Variants in AGGF1 observed in about 807,000 individuals in gnomAD.
The protein encoded by AGGF1 is angiogenic factor with G-patch and FHA domains 1, also known as angiogenic factor with G patch and FHA domains 1.
A neutral mutation model predicts 86.5 loss-of-function variants in AGGF1; 56 were observed. The observed-to-expected ratio is 0.65, with a 90% CI of 0.52 to 0.81. The LOEUF (loss-of-function observed/expected upper bound fraction) is 0.81. Among genes scored for constraint, AGGF1 ranks in the 30% least tolerant of loss-of-function variants. The pLI is 0.00. For missense variants in AGGF1, 816 were observed against 850.9 expected (o/e 0.96, Z 0.51); for synonymous variants, 313 against 297.1 (o/e 1.05, Z -0.55).
chr5:77,061,605 A>C (rs1747565285), intron 12 of AGGF1, 98 bp from the exon 13 acceptor site: 6 of 1,244,112 alleles, frequency 4.8e-6, no homozygotes, highest in Non-Finnish European at 6.9e-6. Context: ...GCGGTTTTCT[A>C]AAGTAGTTGT....
chr5:77,061,662 G>T (rs1747566599), intron 12 of AGGF1, 41 bp from the exon 13 acceptor site: 3 of 1,544,578 alleles, frequency 1.9e-6, no homozygotes, highest in Non-Finnish European at 2.7e-6. Flanking sequence ...TGACCTAAAA[G>T]ATCTTTTATA....
At chr5:77,043,944 G>T (rs2150730640) in intron 5 of AGGF1, among the ~76,000 whole-genome samples, 1 of 139,532 alleles carries the variant, frequency 7.2e-6, no homozygotes, top group Non-Finnish European at 1.6e-5. Flanking sequence ...CCCAGATGGG[G>T]CGGCGGGGCA....
At chr5:77,043,622 G>T (rs1389424584) in intron 5 of AGGF1, among the ~76,000 whole-genome samples, 6 of 133,452 alleles carry the variant, frequency 4.5e-5, no homozygotes, top group South Asian at 4.9e-4. Context: ...CTGGCCGGGC[G>T]GGGGGGCTGA....
chr5:77,059,877 C>T (rs969697474), intron 12 of AGGF1, 134 bp downstream of exon 12: 58 of 1,197,536 alleles, frequency 4.8e-5, no homozygotes, highest in Non-Finnish European at 6.2e-5. Context: ...AGTCTTGCTC[C>T]GTCGCCCAGG....
intron 5 of AGGF1, among the ~76,000 whole-genome samples, chr5:77,042,639 C>T (rs1235339583): frequency 2.1e-5 from 1 of 47,994 alleles, no homozygotes; most frequent in Non-Finnish European, 5.1e-5. Context: ...GGGGGCTGAC[C>T]CCCCCACCTC....
At chr5:77,059,844 T>G in intron 12 of AGGF1, 101 bp downstream of exon 12, 1 of 1,457,986 alleles carries the variant, frequency 6.9e-7, no homozygotes, top group Non-Finnish European at 9.5e-7. Context: ...GGTGGCCTAT[T>G]TATTTGTTTA....
chr5:77,060,900 T>C (rs55819160), intron 12 of AGGF1, among the ~76,000 whole-genome samples: 34,620 of 152,032 alleles, frequency 0.23, 4,491 homozygotes, highest in Non-Finnish European at 0.29. Flanking sequence ...ATAAGACAAA[T>C]TTAAAATAAA....
chr5:77,032,827 TA>T (rs1323218299), intron 1 of AGGF1, among the ~76,000 whole-genome samples: 1 of 152,232 alleles, frequency 6.6e-6, no homozygotes, highest in Non-Finnish European at 1.5e-5. Context: ...TTTATGCTAA[TA>T]TTTTGAGAGG....
intron 10 of AGGF1, 35 bp downstream of exon 10, chr5:77,054,165 A>C (rs778665046): frequency 6.2e-7 from 1 of 1,612,930 alleles, no homozygotes; most frequent in Admixed American, 1.7e-5. Context: ...CTGTGATAAC[A>C]TTTCTCTTTC....
At chr5:77,043,765 G>T (rs541692534) in intron 5 of AGGF1, among the ~76,000 whole-genome samples, 1 of 118,896 alleles carries the variant, frequency 8.4e-6, no homozygotes, top group African/African-American at 3.0e-5. Flanking sequence ...CGGGCGGAGA[G>T]GCTCCTCACT....
At chr5:77,032,595 C>T (rs1013154289) in intron 1 of AGGF1, among the ~76,000 whole-genome samples, 11 of 149,276 alleles carry the variant, frequency 7.4e-5, no homozygotes, top group African/African-American at 2.5e-4. Context: ...AATGGGGAGA[C>T]GGGAGCAAAA....
At chr5:77,041,522 G>A (rs1580126297) in intron 5 of AGGF1, among the ~76,000 whole-genome samples, 2 of 140,968 alleles carry the variant, frequency 1.4e-5, no homozygotes, top group Admixed American at 7.8e-5. Context: ...AGCCAGGATC[G>A]CACCACCACA....
At chr5:77,060,023 G>T (rs1203558549) in intron 12 of AGGF1, among the ~76,000 whole-genome samples, 1 of 152,150 alleles carries the variant, frequency 6.6e-6, no homozygotes, top group African/African-American at 2.4e-5. Context: ...TGTGTTTTTA[G>T]TAGAGACGGG....
At chr5:77,038,958 T>C (rs1278422486) in intron 4 of AGGF1, among the ~76,000 whole-genome samples, 6 of 152,218 alleles carry the variant, frequency 3.9e-5, no homozygotes, top group Non-Finnish European at 7.4e-5. Flanking sequence ...AGACAGTTTA[T>C]TGATTGCATT....
Position 77,030,410 on chromosome 5 carries a change from G to A in AGGF1, c.-357G>A, listed in dbSNP as rs886086203. The A allele has an allele frequency of 2.0e-6, 1 of 498,712 alleles. No homozygotes were observed. The highest frequency in any genetic ancestry group is 1.5e-5 in the South Asian group (1 of 64,958). 30.9% of individuals were successfully genotyped at this position (498,712 alleles called of 1,614,324 possible). A position where few individuals can be genotyped will look rare whatever the true frequency, so the allele number is the denominator to read the frequency against. On this transcript the variant is annotated 5_prime_UTR_variant, in exon 1 of 14. Coordinates refer to ENST00000312916, the MANE Select transcript of AGGF1 (RefSeq NM_018046.5). ...GGTCCCGCCTGCCGCTGGCGCCGTT[G>A]TTTCCGGCTCAACTGGGGAGCTGCT...
At chr5:77,062,963 C>T in intron 13 of AGGF1, 89 bp from the exon 14 acceptor site, 1 of 1,396,732 alleles carries the variant, frequency 7.2e-7, no homozygotes, top group African/African-American at 1.4e-5. Context: ...TTTAATAAAT[C>T]AAAAAATTGT....
In AGGF1 at chr5:77,039,547, A is replaced by G; in HGVS notation, c.698A>G (p.Tyr233Cys). Reference sequence around the variant, plus strand: ...CTTTCAAAGGAAAATCAACTCTATTATGATCCTTCCACTGGAATTTATTAC... The same window carrying G: ...CTTTCAAAGGAAAATCAACTCTATTGTGATCCTTCCACTGGAATTTATTAC... ...FYYDSENQLY[Y>C]DPSTGIYYYC... is the part of the protein sequence containing the mutation. Residue 233 changes from tyrosine to cysteine, a missense_variant, in exon 5 of 14, where the codon TAT becomes TGT. This residue lies in a region of AGGF1 where 565 missense variants were observed against 585.8 expected (regional missense o/e 0.96). Transcript: ENST00000312916. 5 of 1,608,406 alleles carry G rather than the reference A, an allele frequency of 3.1e-6. No homozygotes were observed. Among genetic ancestry groups the G allele is most frequent in the African/African-American group, 2.7e-5 (2 of 74,964 alleles).
At chr5:77,058,458 T>C (rs1363499884) in intron 11 of AGGF1, among the ~76,000 whole-genome samples, 5 of 152,158 alleles carry the variant, frequency 3.3e-5, no homozygotes, top group Admixed American at 3.3e-4. Flanking sequence ...CTTTCGTTGT[T>C]GTTGCTGTTT....
chr5:77,039,693 G>T lies in AGGF1; in HGVS notation c.844G>T (p.Asp282Tyr), dbSNP rs371205874. The T allele has an allele frequency of 1.9e-6, 3 of 1,612,004 alleles. No individual in the cohort carries two copies. The highest frequency in any genetic ancestry group is 2.5e-6 in the Non-Finnish European group (3 of 1,179,022). The change falls in exon 5 of 14, where the codon GAT (aspartate) becomes TAT (tyrosine). Residue 282 changes from aspartate (D) to tyrosine (Y), a missense_variant. Coordinates refer to ENST00000312916, the MANE Select transcript of AGGF1 (RefSeq NM_018046.5). The stretch of plus-strand genomic sequence containing the variant: ...ATTGAAGAAGAAAAGAAAAGATCCA[G>T]ATTCTTCTGCAACAAATGAGGAAAA... ...KKLKKKRKDP[D>Y]SSATNEEKDL...
Sources: gnomAD v4.1 joint callset for allele counts (sites outside exome capture counted in the v4.1 genomes callset) on GRCh38, gnomAD v4.1.1 for gene constraint, gnomAD v4.1.1 regional missense constraint, MANE v1.5 for transcripts, NCBI Gene and HGNC (gene_info 2026-07-23, HGNC 2026-07-21) for gene names.